Variants in SEC24D observed in about 807,000 individuals in gnomAD.
SEC24D encodes SEC24 homolog D, COPII component.
A neutral mutation model predicts 116.9 loss-of-function variants in SEC24D; 69 were observed. The ratio of observed to expected loss-of-function variants is 0.59; its 90% CI spans 0.49 to 0.72. SEC24D has a LOEUF of 0.72. Ranked by LOEUF, SEC24D falls within the 30% of genes least tolerant of loss-of-function variation. The pLI, the probability that SEC24D is intolerant of heterozygous loss-of-function variation, is 0.00. For missense variants in SEC24D, 1,131 were observed against 1,264.1 expected (o/e 0.89, Z 1.60); for synonymous variants, 405 against 442.8 (o/e 0.91, Z 1.07).
In SEC24D at chr4:118,752,741, A is replaced by G. The variant is rs146933437; in HGVS notation, c.1569T>C (p.Asp523=). The G allele has an allele frequency of 4.3e-6, 7 of 1,610,756 alleles. No individual in the cohort carries two copies. In the African/African-American group the frequency reaches 6.7e-5, roughly 15 times the overall value. ...DVGEVFVPLL[D]GFLVNYQESQ... ...ATTCTTGATAGTTGACAAGGAAACCATCCAACAAAGGAACAAAGACTTCTC... is the reference window on the plus strand; with the variant it reads ...ATTCTTGATAGTTGACAAGGAAACCGTCCAACAAAGGAACAAAGACTTCTC... Residue 523 remains aspartate, a synonymous_variant, in exon 12 of 23, where the codon GAT becomes GAC. Coordinates refer to ENST00000280551, the MANE Select transcript of SEC24D (RefSeq NM_014822.4).
At chr4:118,819,251 G>A (rs1340957631) in intron 3 of SEC24D, among the ~76,000 whole-genome samples, 5 of 152,002 alleles carry the variant, frequency 3.3e-5, no homozygotes, top group Non-Finnish European at 7.4e-5. Flanking sequence ...AACTTTGTCT[G>A]CGGGGCGTGG....
At chr4:118,812,856 A>G (rs960035810) in intron 6 of SEC24D, among the ~76,000 whole-genome samples, 10 of 152,096 alleles carry the variant, frequency 6.6e-5, no homozygotes, top group African/African-American at 2.4e-4. Flanking sequence ...AAACTAAAAG[A>G]GCACCCTGTA....
chr4:118,776,516 A>C (rs1325031734), intron 8 of SEC24D, among the ~76,000 whole-genome samples: 2 of 152,200 alleles, frequency 1.3e-5, no homozygotes. Context: ...TTCATAACTA[A>C]ACTATCAATG....
intron 2 of SEC24D, among the ~76,000 whole-genome samples, chr4:118,832,468 G>C (rs1019403544): frequency 7.2e-5 from 11 of 152,290 alleles, no homozygotes; most frequent in African/African-American, 2.6e-4. Flanking sequence ...TAAAGGTGGA[G>C]ATTACCAAGC....
chr4:118,784,748 C>T (rs936211683), intron 8 of SEC24D, among the ~76,000 whole-genome samples: 2 of 151,480 alleles, frequency 1.3e-5, no homozygotes, highest in Admixed American at 6.6e-5. Context: ...TGCCCCCCCC[C>T]CCGCCACCAA....
chr4:118,791,781 C>T (rs962899288), intron 8 of SEC24D, among the ~76,000 whole-genome samples: 8 of 152,208 alleles, frequency 5.3e-5, no homozygotes, highest in Non-Finnish European at 1.0e-4. Context: ...CAGCCTCGGC[C>T]TCCCAAAGTG....
rs373337220 is a variant in SEC24D at position 118,740,673 on chromosome 4, G to C, written c.2228C>G (p.Ala743Gly). The change falls in exon 17 of 23, where the codon GCC (alanine) becomes GGC (glycine). Residue 743 changes from alanine to glycine, a missense_variant. Transcript: ENST00000280551. ...HDDKLSEDSG[A>G]LIQCAVLYTT... ...TACACTTTCAATCACCTGGATTAAG[G>C]CTCCACTGTCTTCACTGAGTTTGTC... is the stretch of plus-strand genomic sequence containing the variant. 1.2e-6 allele frequency: 2 copies of C among 1,613,668 alleles called. No individual in the cohort carries two copies. Among genetic ancestry groups the C allele is most frequent in the South Asian group, 1.1e-5 (1 of 91,026 alleles).
intron 4 of SEC24D, chr4:118,816,891 T>C (rs1391744329): frequency 2.3e-6 from 1 of 429,538 alleles, no homozygotes; most frequent in East Asian, 7.4e-5. Flanking sequence ...CAATGAGTAC[T>C]ATATTTCTGA....
At chr4:118,801,410 A>G (rs939474310) in intron 7 of SEC24D, among the ~76,000 whole-genome samples, 1 of 152,218 alleles carries the variant, frequency 6.6e-6, no homozygotes, top group Admixed American at 6.5e-5. Flanking sequence ...TTAAGAGCCC[A>G]GGTAAGCAGT....
In SEC24D at chr4:118,804,885, T is replaced by TACACACAC. The variant is rs71954957; in HGVS notation, c.913+950_913+957dup. ...AAGCATACTTATGTGTATGCATGCA[T>TACACACAC]ACACACACACACACACACACACACA... On this transcript the variant is annotated intron_variant, in intron 7 of 22. Coordinates refer to ENST00000280551, the MANE Select transcript of SEC24D (RefSeq NM_014822.4). Among the ~76,000 whole-genome samples the TACACACAC allele has an allele frequency of 7.6e-3, 1,069 of 140,982 alleles. 11 individuals are homozygous for TACACACAC. The highest frequency in any genetic ancestry group is 0.021 in the African/African-American group (772 of 37,370). The allele number at this position is 140,982 out of a possible 152,430, so 92.5% of individuals were successfully genotyped here.
intron 2 of SEC24D, among the ~76,000 whole-genome samples, chr4:118,830,400 C>G (rs1730794524): frequency 6.6e-6 from 1 of 152,160 alleles, no homozygotes; most frequent in Non-Finnish European, 1.5e-5. Context: ...CCATCTCTAC[C>G]AGCTACTTGG....
intron 11 of SEC24D, among the ~76,000 whole-genome samples, chr4:118,755,848 A>G (rs544784267): frequency 5.3e-4 from 80 of 152,358 alleles, no homozygotes; most frequent in African/African-American, 1.9e-3. Flanking sequence ...ATTGGCTTGA[A>G]TAAAATCTTT....
intron 22 of SEC24D, among the ~76,000 whole-genome samples, chr4:118,725,299 A>G (rs188646787): frequency 1.3e-5 from 2 of 152,294 alleles, no homozygotes; most frequent in Admixed American, 6.5e-5. Context: ...GGGAAGCAAA[A>G]CTAACCCTTA....
chr4:118,763,598 T>C (rs554870606), intron 10 of SEC24D, among the ~76,000 whole-genome samples: 2 of 152,330 alleles, frequency 1.3e-5, no homozygotes, highest in Admixed American at 1.3e-4. Context: ...ATCTGAATGA[T>C]ACGCAAGAAG....
At chr4:118,804,511 G>T (rs1729583968) in intron 7 of SEC24D, among the ~76,000 whole-genome samples, 1 of 151,258 alleles carries the variant, frequency 6.6e-6, no homozygotes, top group Admixed American at 6.6e-5. Context: ...TAAATAAATA[G>T]ATATTAAAAC....
At chr4:118,817,726 A>G (rs564812812) in intron 3 of SEC24D, among the ~76,000 whole-genome samples, 2 of 152,290 alleles carry the variant, frequency 1.3e-5, no homozygotes, top group African/African-American at 4.8e-5. Flanking sequence ...AAAGTTAATC[A>G]TCAACAGAAT....
chr4:118,812,183 C>G (rs1432541777), intron 6 of SEC24D, among the ~76,000 whole-genome samples: 2 of 152,168 alleles, frequency 1.3e-5, no homozygotes, highest in African/African-American at 4.8e-5. Context: ...GTACCAAACA[C>G]AAGACACACA....
chr4:118,723,411 A>G lies in SEC24D; in HGVS notation c.*104T>C. ...TCTCTTCCTGGAAAGTTATTCTGAA[A>G]ATGAGCAAGAAATCAAAACTAGCCT... is the stretch of plus-strand genomic sequence containing the variant. On this transcript the variant is annotated 3_prime_UTR_variant, in exon 23 of 23. Transcript: ENST00000280551. 5 of 1,226,558 alleles carry G rather than the reference A, an allele frequency of 4.1e-6. No individual in the cohort carries two copies. Among genetic ancestry groups the G allele is most frequent in the Non-Finnish European group, 5.7e-6 (5 of 880,536 alleles). 76.0% of individuals were successfully genotyped at this position (1,226,558 alleles called of 1,614,324 possible).
At chr4:118,742,973 GA>G (rs1436066728) in intron 15 of SEC24D, among the ~76,000 whole-genome samples, 1 of 152,046 alleles carries the variant, frequency 6.6e-6, no homozygotes, top group East Asian at 1.9e-4. Flanking sequence ...GGGTCCACAG[GA>G]GAAACTCAGA....
Sources: gnomAD v4.1 joint callset for allele counts (sites outside exome capture counted in the v4.1 genomes callset) on GRCh38, gnomAD v4.1.1 for gene constraint, MANE v1.5 for transcripts, NCBI Gene and HGNC (gene_info 2026-07-23, HGNC 2026-07-21) for gene names.